The following MYH14 variants were observed in gnomAD, a reference collection of about 807,000 sequenced individuals.
MYH14 encodes myosin heavy chain 14, also known as myosin-14.
Under a neutral mutation model 255.5 loss-of-function variants are expected in MYH14, and 123 were observed. That is an observed-to-expected ratio of 0.48 (90% CI 0.42 to 0.56). The LOEUF is 0.56. Ranked by LOEUF, MYH14 falls within the 20% of genes least tolerant of loss-of-function variation. The pLI is 0.00. For missense variants in MYH14, 2,423 were observed against 2,802.3 expected (o/e 0.86, Z 3.06); for synonymous variants, 1,095 against 1,161.2 (o/e 0.94, Z 1.16).
intron 10 of MYH14, among the ~76,000 whole-genome samples, chr19:50,238,688 G>A (rs1244160954): frequency 2.0e-5 from 3 of 152,194 alleles, no homozygotes; most frequent in African/African-American, 4.8e-5. Context: ...CTGACCTCAA[G>A]TGATCCCCTT....
Position 50,309,659 on chromosome 19 carries a change from A to G in MYH14, c.5980A>G (p.Thr1994Ala). The change falls in exon 43 of 43, where the codon ACC becomes GCC. Residue 1994 changes from threonine to alanine, a missense_variant. Thr to Ala is a moderately conservative substitution (Grantham distance 58). This residue lies in a region of MYH14 where 1,513 missense variants were observed against 1,674.8 expected (regional missense o/e 0.90). Transcript: ENST00000642316. ...CCACAGACGCGGCCCCCTCACCTTC[A>G]CCACCCGCACGGTGCGCCAGGTCTT... ...NRLRRGPLTFTTRTVRQVFRL... is the reference protein window; with the variant it reads ...NRLRRGPLTFATRTVRQVFRL... The G allele has an allele frequency of 6.4e-7, 1 of 1,565,166 alleles. No homozygotes were observed. Among genetic ancestry groups the G allele is most frequent in the South Asian group, 1.1e-5 (1 of 88,522 alleles).
intron 8 of MYH14, among the ~76,000 whole-genome samples, chr19:50,229,337 T>A (rs973476223): frequency 1.1e-4 from 16 of 152,274 alleles, no homozygotes; most frequent in Non-Finnish European, 1.9e-4. Flanking sequence ...TATGGTGTTT[T>A]GGTGTTTTGT....
chr19:50,227,185 G>A (rs2033150316), intron 8 of MYH14, among the ~76,000 whole-genome samples: 1 of 152,082 alleles, frequency 6.6e-6, no homozygotes. Flanking sequence ...GGTCCACCCA[G>A]TTCAGCCATA....
chr19:50,207,265 GAGAGAC>G lies in MYH14; in HGVS notation c.-3-3092_-3-3087del, dbSNP rs1277676657. On this transcript the variant is annotated intron_variant, in intron 1 of 42. Transcript: ENST00000642316. ...AGAGAGAGAGAGAGAGAAAGAGAGA[GAGAGAC>G]AGAGAGAGAGAGAGAGAGAGAGAGA... Among the ~76,000 whole-genome samples the G allele has an allele frequency of 2.9e-3, 342 of 119,466 alleles. 5 individuals carry two copies. Among genetic ancestry groups the G allele is most frequent in the African/African-American group, 0.011 (312 of 29,522 alleles). 78.4% of individuals were successfully genotyped at this position (119,466 alleles called of 152,430 possible). A position where few individuals can be genotyped will look rare whatever the true frequency, so the allele number is the denominator to read the frequency against.
At chr19:50,210,948 A>G (rs973810360) in intron 2 of MYH14, among the ~76,000 whole-genome samples, 178 bp downstream of exon 2, 6 of 152,234 alleles carry the variant, frequency 3.9e-5, no homozygotes, top group Admixed American at 1.3e-4. Context: ...TTACTAGGAC[A>G]GCCTCGGAAC....
rs576943440 is a variant in MYH14, at chr19:50,297,528, G to A, written c.5469+3841G>A. 1.8e-4 allele frequency among the ~76,000 whole-genome samples: 20 copies of A among 113,924 alleles called. 1 individual carries two copies. The South Asian group carries it at 3.2e-3, about 18-fold the overall frequency. 74.7% of individuals were successfully genotyped at this position (113,924 alleles called of 152,430 possible). A position where few individuals can be genotyped will look rare whatever the true frequency, so the allele number is the denominator to read the frequency against. ...TTTTTTTTTTTTGAGACAGAGTCTCGCTCTTGTCGCCTAGGCTGGAGTGCA... is the reference window on the plus strand; with the variant it reads ...TTTTTTTTTTTTGAGACAGAGTCTCACTCTTGTCGCCTAGGCTGGAGTGCA... On this transcript the variant is annotated intron_variant, in intron 39 of 42. Coordinates refer to ENST00000642316, the MANE Select transcript of MYH14 (RefSeq NM_001145809.2).
chr19:50,286,673 C>T lies in MYH14; in HGVS notation c.4731C>T (p.Ser1577=), dbSNP rs766728732. ...LRAELEALLS[S]KDDVGKSVHE... is the part of the protein sequence containing the mutation. Reference sequence around the variant, plus strand: ...CTGAGCTGGAGGCACTGCTGAGCAGCAAGGATGACGTCGGCAAGAGCGTGA... The same window carrying T: ...CTGAGCTGGAGGCACTGCTGAGCAGTAAGGATGACGTCGGCAAGAGCGTGA... Residue 1577 remains serine (S), a synonymous_variant, in exon 34 of 43, where the codon AGC becomes AGT. Coordinates refer to ENST00000642316, the MANE Select transcript of MYH14 (RefSeq NM_001145809.2). The T allele has an allele frequency of 1.6e-4, 250 of 1,579,404 alleles. 1 individual carries two copies. The highest frequency in any genetic ancestry group is 2.1e-4 in the Non-Finnish European group (241 of 1,163,938).
intron 7 of MYH14, among the ~76,000 whole-genome samples, chr19:50,226,562 G>A (rs2033114038): frequency 6.6e-6 from 1 of 151,872 alleles, no homozygotes; most frequent in African/African-American, 2.4e-5. Context: ...GAAGGAGGAG[G>A]GGCTGGGGCC....
intron 40 of MYH14, among the ~76,000 whole-genome samples, 193 bp from the exon 41 acceptor site, chr19:50,306,856 G>A (rs990664843): frequency 6.6e-6 from 1 of 152,176 alleles, no homozygotes; most frequent in Non-Finnish European, 1.5e-5. Flanking sequence ...TAGAAGCCAA[G>A]GACATGGATG....
Position 50,252,054 on chromosome 19 carries a change from G to A in MYH14, c.1831-585G>A, listed in dbSNP as rs565173366. On this transcript the variant is annotated intron_variant, in intron 15 of 42. Coordinates refer to ENST00000642316, the MANE Select transcript of MYH14 (RefSeq NM_001145809.2). This position sits in a 1 kb window ranked among gnomAD's most constrained non-coding sequence, Gnocchi z 4.2. ...CATAGACAATGGCTGGGAGGCAGGA[G>A]ATTCCATGTGTTCTGTGTCTAGCCC... 6.6e-6 allele frequency among the ~76,000 whole-genome samples: 1 copy of A among 152,320 alleles called. No homozygotes were observed. Among genetic ancestry groups the A allele is most frequent in the African/African-American group, 2.4e-5 (1 of 41,578 alleles).
Position 50,271,483 on chromosome 19 carries a change from A to G in MYH14, c.3108A>G (p.Ala1036=), listed in dbSNP as rs1051766487. 6.2e-7 allele frequency: 1 copy of G among 1,607,962 alleles called. No individual in the cohort carries two copies. Among genetic ancestry groups the G allele is most frequent in the Admixed American group, 1.7e-5 (1 of 59,032 alleles). The change falls in exon 25 of 43, where the codon GCA becomes GCG. Residue 1036 remains alanine (A), a synonymous_variant. Transcript: ENST00000642316. ...KLQLEKVTTE[A]KMKKFEEDLL... ...AGCTGGAGAAGGTGACGACAGAGGCAAAAATGAAGAAATTTGAAGAGGACC... is the reference window on the plus strand; with the variant it reads ...AGCTGGAGAAGGTGACGACAGAGGCGAAAATGAAGAAATTTGAAGAGGACC...
rs1038582783 is a variant in MYH14 at position 50,266,814 on chromosome 19, C to T, written c.2695-63C>T. The T allele has an allele frequency of 5.9e-5, 92 of 1,548,284 alleles. No homozygotes were observed. The highest frequency in any genetic ancestry group is 7.4e-5 in the Non-Finnish European group (85 of 1,144,572). On this transcript the variant is annotated intron_variant, in intron 22 of 42. Transcript: ENST00000642316. This position sits in a 1 kb window ranked among gnomAD's most constrained non-coding sequence, Gnocchi z 4.1. The stretch of plus-strand genomic sequence containing the variant: ...GATTTGAACCCAGAAACTCAAACCC[C>T]ACTAAGAGTGTGAGGTCTTGGCGCC...
Position 50,255,322 on chromosome 19 carries a change from G to A in MYH14, c.2044+4G>A, listed in dbSNP as rs777711309. ...TCTGCTATTTCTCCGCCAGGGGGTG[G>A]GTGTCTCTGTGCATCGATGGGTGAG... On this transcript the variant is annotated splice_donor_region_variant and intron_variant, in intron 17 of 42. Coordinates refer to ENST00000642316, the MANE Select transcript of MYH14 (RefSeq NM_001145809.2). The A allele has an allele frequency of 1.2e-5, 19 of 1,549,710 alleles. 1 individual carries two copies. In the South Asian group the frequency reaches 2.1e-4, roughly 17 times the overall value.
intron 5 of MYH14, 28 bp from the exon 6 acceptor site, chr19:50,224,126 C>T (rs368386529): frequency 8.2e-5 from 130 of 1,587,658 alleles, no homozygotes; most frequent in East Asian, 1.2e-4. Context: ...TGTCCTGGTC[C>T]GTGTCTCGTG....
At chr19:50,284,776 T>C (rs1024746687) in intron 33 of MYH14, 2 of 152,130 alleles carry the variant, frequency 1.3e-5, no homozygotes, top group Non-Finnish European at 2.9e-5. Flanking sequence ...TTACATATGA[T>C]GCTATCATGG....
In MYH14 at chr19:50,255,274, C is replaced by A. The variant is rs530921955; in HGVS notation, c.2000C>A (p.Pro667Gln). 1.0e-4 allele frequency: 159 copies of A among 1,551,522 alleles called. 1 individual carries two copies. The South Asian group carries it at 1.8e-3, about 17-fold the overall frequency. Residue 667 changes from proline (P) to glutamine (Q), a missense_variant, in exon 17 of 43, where the codon CCA (proline) becomes CAA (glutamine). Pro to Gln is a moderately conservative substitution (Grantham distance 76, BLOSUM62 -1). Transcript: ENST00000642316. ...SFLGSFPPSP[P>Q]GSAERCSSAI... ...CTTGGCTCCTTCCCACCGTCGCCCC[C>A]AGGATCTGCAGAGAGGTGCAGCTCT...
At chr19:50,255,354 T>C in intron 17 of MYH14, 36 bp downstream of exon 17, 2 of 1,499,872 alleles carry the variant, frequency 1.3e-6, no homozygotes, top group East Asian at 2.5e-5. Context: ...TGAGGCTTGC[T>C]GGAGGAGGAG....
At position 50,210,613 on chromosome 19, in the gene MYH14, C is replaced by T. The variant is rs1177903689; in HGVS notation, c.248C>T (p.Ala83Val). The T allele has an allele frequency of 2.5e-6, 4 of 1,569,662 alleles. No individual in the cohort carries two copies. The highest frequency in any genetic ancestry group is 2.4e-5 in the East Asian group (1 of 42,296). Residue 83 changes from alanine (A) to valine (V), a missense_variant, in exon 2 of 43, where the codon GCG (alanine) becomes GTG (valine). Physicochemically the swap from Ala to Val is moderately conservative, Grantham distance 64. Transcript: ENST00000642316. ...GAGGAGGAGGCGGAGGTGGAGCTGG[C>T]GGAGAGCGGGAGGCGGCTGCGACTG... ...EGEEEAEVELAESGRRLRLPR... is the reference protein window; with the variant it reads ...EGEEEAEVELVESGRRLRLPR...
intron 35 of MYH14, 47 bp downstream of exon 35, chr19:50,289,695 G>A: frequency 6.5e-7 from 1 of 1,534,856 alleles, no homozygotes; most frequent in Non-Finnish European, 8.8e-7. Context: ...GCTGGGGTAT[G>A]CCATGGTGTG....
Sources: gnomAD v4.1 joint callset for allele counts (sites outside exome capture counted in the v4.1 genomes callset) on GRCh38, gnomAD v4.1.1 for gene constraint, gnomAD v4.1.1 regional missense constraint, Gnocchi (gnomAD v3.1) non-coding constraint, MANE v1.5 for transcripts, NCBI Gene and HGNC (gene_info 2026-07-23, HGNC 2026-07-21) for gene names.